Variants in KIRREL3 observed in about 807,000 individuals in gnomAD.
KIRREL3 encodes kirre like nephrin family adhesion molecule 3.
In KIRREL3, 36 loss-of-function variants were observed where a neutral mutation model predicts 89.7. The observed-to-expected ratio is 0.40, with a 90% CI of 0.31 to 0.53. The LOEUF (loss-of-function observed/expected upper bound fraction) is 0.53, where lower values mean the gene tolerates loss of function less well. KIRREL3 is among the 20% of genes least tolerant of loss of function. KIRREL3 has a pLI of 0.49. For synonymous variants in KIRREL3, 445 were observed against 441.4 expected (o/e 1.01, Z -0.10); for missense variants, 864 against 1,056.6 (o/e 0.82, Z 2.53).
chr11:126,776,569 T>C lies in KIRREL3; in HGVS notation c.56-213657A>G, dbSNP rs569562754. 3.3e-5 allele frequency among the ~76,000 whole-genome samples: 5 copies of C among 152,162 alleles called. No individual in the cohort carries two copies. The highest frequency in any genetic ancestry group is 1.3e-4 in the Admixed American group (2 of 15,282). On this transcript the variant is annotated intron_variant, in intron 1 of 16. Coordinates refer to ENST00000525144, the MANE Select transcript of KIRREL3 (RefSeq NM_032531.4). The surrounding 1 kb of genome is among the most constrained non-coding windows in gnomAD (Gnocchi z 4.7). The stretch of plus-strand genomic sequence containing the variant: ...GTTAATGCAGGTCCCTTAAGAGAGA[T>C]TGAGTCCTTCTCTAGCAATAAGACC...
At position 126,424,505 on chromosome 11, in the gene KIRREL3, T is replaced by C. The variant is rs1448644610; in HGVS notation, c.*75A>G. ...GCCAATTCTGGTGTCCTCTGCAAAGTACCCCTCGTCCCTGGACAACCAGAA... is the reference window on the plus strand; with the variant it reads ...GCCAATTCTGGTGTCCTCTGCAAAGCACCCCTCGTCCCTGGACAACCAGAA... On this transcript the variant is annotated 3_prime_UTR_variant, in exon 17 of 17. Coordinates refer to ENST00000525144, the MANE Select transcript of KIRREL3 (RefSeq NM_032531.4). 1.5e-5 allele frequency: 21 copies of C among 1,438,354 alleles called. No individual in the cohort carries two copies. The highest frequency in any genetic ancestry group is 7.1e-5 in the East Asian group (3 of 42,238). The allele number at this position is 1,438,354 out of a possible 1,614,324, so 89.1% of individuals were successfully genotyped here. A position where few individuals can be genotyped will look rare whatever the true frequency, so the allele number is the denominator to read the frequency against.
chr11:126,536,944 C>A (rs997541788), intron 2 of KIRREL3, among the ~76,000 whole-genome samples: 1 of 152,138 alleles, frequency 6.6e-6, no homozygotes, highest in Non-Finnish European at 1.5e-5. Flanking sequence ...TTGCACCCAA[C>A]CCCTGTGCAG....
chr11:126,821,097 T>A (rs1555047480), intron 1 of KIRREL3, among the ~76,000 whole-genome samples: 1 of 151,692 alleles, frequency 6.6e-6, no homozygotes, highest in Non-Finnish European at 1.5e-5. Flanking sequence ...ATGAATGGAG[T>A]CCCCTTATCG....
rs1469294709 is a variant in KIRREL3 at position 126,643,212 on chromosome 11, T to C, written c.56-80300A>G. On this transcript the variant is annotated intron_variant, in intron 1 of 16. Transcript: ENST00000525144. The surrounding 1 kb of genome is among the most constrained non-coding windows in gnomAD (Gnocchi z 4.5). ...AAGAATATTAATGGTATCTATTTCATAGGGTTAACATGGGAATTAAAGAAG... is the reference window on the plus strand; with the variant it reads ...AAGAATATTAATGGTATCTATTTCACAGGGTTAACATGGGAATTAAAGAAG... 2.0e-5 allele frequency among the ~76,000 whole-genome samples: 3 copies of C among 152,244 alleles called. No individual in the cohort carries two copies. Among genetic ancestry groups the C allele is most frequent in the Non-Finnish European group, 4.4e-5 (3 of 68,042 alleles).
chr11:126,945,073 A>T (rs1948578755), intron 1 of KIRREL3: 1 of 152,150 alleles, frequency 6.6e-6, no homozygotes, highest in African/African-American at 2.4e-5. Flanking sequence ...AAACAAATTA[A>T]ATCTCAGTGA....
At chr11:126,986,045 C>T (rs777215447) in intron 1 of KIRREL3, among the ~76,000 whole-genome samples, 31 of 152,086 alleles carry the variant, frequency 2.0e-4, no homozygotes, top group African/African-American at 3.1e-4. Context: ...CTGTGCCTTT[C>T]CCCCTTCCTC....
intron 1 of KIRREL3, among the ~76,000 whole-genome samples, chr11:126,862,296 A>G (rs1944730905): frequency 1.3e-5 from 2 of 152,218 alleles, no homozygotes; most frequent in Admixed American, 6.5e-5. Flanking sequence ...AGCCAGTCCC[A>G]TTAAGACATC....
chr11:126,937,701 C>G (rs182892081), intron 1 of KIRREL3, among the ~76,000 whole-genome samples: 3 of 151,906 alleles, frequency 2.0e-5, no homozygotes, highest in Non-Finnish European at 4.4e-5. Context: ...AGATCAAGAC[C>G]ATCCTGGCTA....
rs1949953164 is a variant in KIRREL3, at chr11:126,769,500, A to C, written c.56-206588T>G. ...CGTGCACTCCTGTCTTCTCTCTAAC[A>C]GTTAATGAGAACGATAGGTATTGAT... On this transcript the variant is annotated intron_variant, in intron 1 of 16. Transcript: ENST00000525144. This position sits in a 1 kb window ranked among gnomAD's most constrained non-coding sequence, Gnocchi z 4.3. Among the ~76,000 whole-genome samples, 1 of 152,226 alleles carries C rather than the reference A, an allele frequency of 6.6e-6. No homozygotes were observed. The highest frequency in any genetic ancestry group is 6.5e-5 in the Admixed American group (1 of 15,286).
At position 126,885,533 on chromosome 11, in the gene KIRREL3, C is replaced by T. The variant is rs545179618; in HGVS notation, c.55+114922G>A. Among the ~76,000 whole-genome samples, 10 of 152,344 alleles carry T rather than the reference C, an allele frequency of 6.6e-5. No homozygotes were observed. In the South Asian group the frequency reaches 2.1e-3, roughly 32 times the overall value. The stretch of plus-strand genomic sequence containing the variant: ...TTTTCGTTTGCATTGTTTGTGAATA[C>T]AATGATCATATCAATCATCATTGTC... On this transcript the variant is annotated intron_variant, in intron 1 of 16. Transcript: ENST00000525144.
At chr11:126,857,872 A>G (rs996932068) in intron 1 of KIRREL3, among the ~76,000 whole-genome samples, 13 of 152,048 alleles carry the variant, frequency 8.5e-5, no homozygotes, top group Admixed American at 7.9e-4. Flanking sequence ...TGGGAAGCTC[A>G]TGAAGGATGA....
rs183163266 is a variant in KIRREL3 at position 126,655,533 on chromosome 11, G to T, written c.56-92621C>A. ...AAAGCTCTCCCTCCCACCTCAAGTT[G>T]TTTCTCTTCCTGCCCAGGGAAGGCA... On this transcript the variant is annotated intron_variant, in intron 1 of 16. Transcript: ENST00000525144. The surrounding 1 kb of genome is among the most constrained non-coding windows in gnomAD (Gnocchi z 5.0). Among the ~76,000 whole-genome samples, 6 of 152,266 alleles carry T rather than the reference G, an allele frequency of 3.9e-5. No individual in the cohort carries two copies. Among genetic ancestry groups the T allele is most frequent in the African/African-American group, 1.4e-4 (6 of 41,532 alleles).
At chr11:126,854,545 G>C (rs902592634) in intron 1 of KIRREL3, among the ~76,000 whole-genome samples, 1 of 152,162 alleles carries the variant, frequency 6.6e-6, no homozygotes, top group Non-Finnish European at 1.5e-5. Flanking sequence ...TGTAGCATGG[G>C]CCAGAATTTC....
chr11:126,497,809 C>T (rs530703198), intron 4 of KIRREL3, among the ~76,000 whole-genome samples: 12 of 152,276 alleles, frequency 7.9e-5, no homozygotes, highest in Admixed American at 3.3e-4. Flanking sequence ...GCCCCTATAC[C>T]GGTCCTGGGT....
intron 1 of KIRREL3, among the ~76,000 whole-genome samples, chr11:126,934,430 G>T (rs984450821): frequency 6.6e-6 from 1 of 152,012 alleles, no homozygotes; most frequent in Non-Finnish European, 1.5e-5. Flanking sequence ...ACAATCCATA[G>T]AATAACATGA....
Position 126,708,440 on chromosome 11 carries a change from C to T in KIRREL3, c.56-145528G>A, listed in dbSNP as rs1224826901. Among the ~76,000 whole-genome samples, 1 of 152,200 alleles carries T rather than the reference C, an allele frequency of 6.6e-6. No individual in the cohort carries two copies. Among genetic ancestry groups the T allele is most frequent in the Non-Finnish European group, 1.5e-5 (1 of 68,038 alleles). On this transcript the variant is annotated intron_variant, in intron 1 of 16. Transcript: ENST00000525144. This position sits in a 1 kb window ranked among gnomAD's most constrained non-coding sequence, Gnocchi z 5.7. ...AATTCAGCTGTGAATACCCTATTTT[C>T]TTTGCAGGGGAAGACTGGAAATAGA...
rs888007539 is a variant in KIRREL3 at position 126,766,129 on chromosome 11, G to C, written c.56-203217C>G. Among the ~76,000 whole-genome samples, 1 of 151,800 alleles carries C rather than the reference G, an allele frequency of 6.6e-6. No homozygotes were observed. Among genetic ancestry groups the C allele is most frequent in the African/African-American group, 2.4e-5 (1 of 41,282 alleles). On this transcript the variant is annotated intron_variant, in intron 1 of 16. Coordinates refer to ENST00000525144, the MANE Select transcript of KIRREL3 (RefSeq NM_032531.4). The surrounding 1 kb of genome is among the most constrained non-coding windows in gnomAD (Gnocchi z 4.2). ...CTAGTATCGTTTCATCGCTAATGTT[G>C]TGAGTGAGCTAGAACAATCATCTCT...
Position 126,652,337 on chromosome 11 carries a change from C to T in KIRREL3, c.56-89425G>A, listed in dbSNP as rs1470054862. On this transcript the variant is annotated intron_variant, in intron 1 of 16. Coordinates refer to ENST00000525144, the MANE Select transcript of KIRREL3 (RefSeq NM_032531.4). The surrounding 1 kb of genome is among the most constrained non-coding windows in gnomAD (Gnocchi z 4.9). ...TAAACCATCTTCTTTACTTAGGGCA[C>T]AAAGAAGAACCAAGACAGGAGAGGA... is the stretch of plus-strand genomic sequence containing the variant. 1.3e-5 allele frequency among the ~76,000 whole-genome samples: 2 copies of T among 152,072 alleles called. No individual in the cohort carries two copies. Among genetic ancestry groups the T allele is most frequent in the Non-Finnish European group, 2.9e-5 (2 of 68,020 alleles).
Position 126,428,906 on chromosome 11 carries a change from C to G in KIRREL3, c.1806+273G>C, listed in dbSNP as rs181400392. On this transcript the variant is annotated intron_variant, in intron 15 of 16. Transcript: ENST00000525144. This position sits in a 1 kb window ranked among gnomAD's most constrained non-coding sequence, Gnocchi z 6.4. ...AAGTGATCCGCCCAACTCGGTCTCC[C>G]AAAGTGTTGGGATTGCAAGCGTGAG... 2.7e-3 allele frequency among the ~76,000 whole-genome samples: 409 copies of G among 152,294 alleles called. 4 individuals carry two copies. Among genetic ancestry groups the G allele is most frequent in the African/African-American group, 9.5e-3 (395 of 41,540 alleles).
Sources: allele counts gnomAD v4.1 joint callset (sites outside exome capture counted in the v4.1 genomes callset), GRCh38; gene constraint gnomAD v4.1.1; non-coding constraint Gnocchi (gnomAD v3.1); transcripts MANE v1.5; gene names NCBI Gene and HGNC (gene_info 2026-07-23, HGNC 2026-07-21).